CSMD1: variants seen among roughly 807,000 people sequenced by gnomAD.
The protein encoded by CSMD1 is CUB and Sushi multiple domains 1.
In CSMD1, 213 loss-of-function variants were observed where a neutral mutation model predicts 417.5. The observed-to-expected ratio is 0.51, with a 90% CI of 0.46 to 0.57. The LOEUF (loss-of-function observed/expected upper bound fraction) is 0.57. Ranked by LOEUF, CSMD1 falls within the 20% of genes least tolerant of loss-of-function variation. The pLI is 0.00. For synonymous variants in CSMD1, 2,862 were observed against 1,736.8 expected (o/e 1.65, Z -16.11); for missense variants, 6,923 against 4,529.7 (o/e 1.53, Z -15.17).
chr8:3,771,577 G>C (rs984924320), intron 5 of CSMD1, among the ~76,000 whole-genome samples: 4 of 152,110 alleles, frequency 2.6e-5, no homozygotes, highest in East Asian at 3.9e-4. Flanking sequence ...TAGAGACCTG[G>C]AGAGCCTCAG....
chr8:4,164,877 A>T (rs1239874109), intron 3 of CSMD1, among the ~76,000 whole-genome samples: 1 of 82,712 alleles, frequency 1.2e-5, no homozygotes, highest in African/African-American at 5.8e-5. Flanking sequence ...ACTCCATCTC[A>T]AAGAAAAAAA....
intron 7 of CSMD1, among the ~76,000 whole-genome samples, chr8:3,674,498 G>C (rs886328621): frequency 9.9e-5 from 15 of 151,910 alleles, no homozygotes; most frequent in Non-Finnish European, 4.4e-5. Context: ...AAAAGTATTG[G>C]ACAGTATACC....
chr8:4,728,560 T>G (rs1297070627), intron 1 of CSMD1, among the ~76,000 whole-genome samples: 3 of 152,176 alleles, frequency 2.0e-5, no homozygotes, highest in Non-Finnish European at 2.9e-5. Flanking sequence ...GAGCTCTTCA[T>G]GTCTTTATTC....
intron 3 of CSMD1, among the ~76,000 whole-genome samples, chr8:4,363,979 C>T (rs1299413642): frequency 1.3e-5 from 2 of 152,040 alleles, no homozygotes; most frequent in African/African-American, 4.8e-5. Flanking sequence ...CTACTTTTTG[C>T]TAGCATAACA....
At chr8:3,248,885 C>T (rs564483877) in intron 26 of CSMD1, among the ~76,000 whole-genome samples, 6 of 151,926 alleles carry the variant, frequency 3.9e-5, no homozygotes, top group African/African-American at 7.3e-5. Flanking sequence ...CCTTGATTCC[C>T]GCAGCTCTAT....
intron 5 of CSMD1, among the ~76,000 whole-genome samples, chr8:3,933,774 T>G (rs1810307192): frequency 6.6e-6 from 1 of 152,206 alleles, no homozygotes; most frequent in Non-Finnish European, 1.5e-5. Flanking sequence ...TTATATATTT[T>G]CCTGCTATAT....
intron 1 of CSMD1, among the ~76,000 whole-genome samples, chr8:4,727,162 C>T (rs1051770062): frequency 6.6e-6 from 1 of 152,056 alleles, no homozygotes. Context: ...CTCAATCCAC[C>T]GTAGGCCAGT....
At chr8:4,803,261 A>T (rs902041258) in intron 1 of CSMD1, among the ~76,000 whole-genome samples, 3 of 152,214 alleles carry the variant, frequency 2.0e-5, no homozygotes, top group Non-Finnish European at 2.9e-5. Context: ...GTTTACTGAG[A>T]AATGTTATCC....
At chr8:4,574,895 G>C (rs542652111) in intron 2 of CSMD1, among the ~76,000 whole-genome samples, 2 of 152,266 alleles carry the variant, frequency 1.3e-5, no homozygotes, top group South Asian at 2.1e-4. Flanking sequence ...CTTTGTGAAA[G>C]AATAACATAC....
chr8:4,664,411 T>C (rs1439938872), intron 1 of CSMD1, among the ~76,000 whole-genome samples: 24 of 151,778 alleles, frequency 1.6e-4, no homozygotes, highest in East Asian at 1.9e-4. Context: ...GAAACGAAAA[T>C]TGAATGTTCC....
intron 1 of CSMD1, among the ~76,000 whole-genome samples, chr8:4,872,215 T>G (rs1802774468): frequency 6.6e-6 from 1 of 152,120 alleles, no homozygotes; most frequent in Non-Finnish European, 1.5e-5. Flanking sequence ...ATAGAGGCCT[T>G]GGAGTTGGGA....
At chr8:4,154,832 T>G (rs576164688) in intron 3 of CSMD1, among the ~76,000 whole-genome samples, 41 of 152,286 alleles carry the variant, frequency 2.7e-4, no homozygotes, top group African/African-American at 9.4e-4. Context: ...CGATTATAAA[T>G]TAGTGAAAGC....
chr8:3,941,469 T>C (rs1336716008), intron 5 of CSMD1, among the ~76,000 whole-genome samples: 3 of 152,192 alleles, frequency 2.0e-5, no homozygotes, highest in Admixed American at 2.0e-4. Flanking sequence ...TAAGGTCCTA[T>C]TAAATGCATC....
intron 10 of CSMD1, among the ~76,000 whole-genome samples, chr8:3,520,930 T>C (rs1345063812): frequency 6.6e-6 from 1 of 152,098 alleles, no homozygotes. Flanking sequence ...TTTGGGATGA[T>C]TGTTGGTTCC....
At chr8:4,152,820 A>G (rs1316894711) in intron 3 of CSMD1, among the ~76,000 whole-genome samples, 1 of 152,188 alleles carries the variant, frequency 6.6e-6, no homozygotes, top group Admixed American at 6.5e-5. Context: ...ACGTATAGTG[A>G]GAGAGTAGGG....
chr8:4,299,792 G>A (rs1021093433), intron 3 of CSMD1, among the ~76,000 whole-genome samples: 35 of 151,930 alleles, frequency 2.3e-4, no homozygotes, highest in Middle Eastern at 6.8e-3. Context: ...CACCACGCCC[G>A]CCTAATTTTT....
At chr8:2,955,494 C>A in intron 64 of CSMD1, 95 bp downstream of exon 64, 5 of 1,226,584 alleles carry the variant, frequency 4.1e-6, no homozygotes, top group Non-Finnish European at 5.8e-6. Flanking sequence ...CATGCTCTTA[C>A]TTATGGGTCT....
At chr8:3,299,418 C>G (rs1195381092) in intron 25 of CSMD1, among the ~76,000 whole-genome samples, 3 of 152,098 alleles carry the variant, frequency 2.0e-5, no homozygotes, top group Non-Finnish European at 4.4e-5. Flanking sequence ...CGCTATTGCA[C>G]TCCAGCCTGG....
At chr8:4,000,488 G>C (rs1477655856) in intron 4 of CSMD1, among the ~76,000 whole-genome samples, 5 of 152,334 alleles carry the variant, frequency 3.3e-5, no homozygotes, top group Non-Finnish European at 4.4e-5. Context: ...CTGAGATTCA[G>C]ATATTGGGCA....
Sources: allele counts gnomAD v4.1 joint callset (sites outside exome capture counted in the v4.1 genomes callset), GRCh38; gene constraint gnomAD v4.1.1; transcripts MANE v1.5; gene names NCBI Gene and HGNC (gene_info 2026-07-23, HGNC 2026-07-21).